LHFPL3: variants seen among roughly 807,000 people sequenced by gnomAD.
LHFPL3 encodes LHFPL tetraspan subfamily member 3 protein.
Under a neutral mutation model 19.3 loss-of-function variants are expected in LHFPL3, and 5 were observed. The observed-to-expected ratio is 0.26, with a 90% confidence interval of 0.14 to 0.54. The LOEUF is 0.54. Ranked by LOEUF, LHFPL3 falls within the 20% of genes least tolerant of loss-of-function variation. The pLI is 0.94. For missense variants in LHFPL3, 249 were observed against 307.4 expected (o/e 0.81, Z 1.42); for synonymous variants, 133 against 126.2 (o/e 1.05, Z -0.36).
At chr7:104,731,853 T>C (rs1364952146) in intron 1 of LHFPL3, among the ~76,000 whole-genome samples, 2 of 152,118 alleles carry the variant, frequency 1.3e-5, no homozygotes, top group East Asian at 3.9e-4. Flanking sequence ...TGATATTGGC[T>C]GTGGGTTTGT....
intron 2 of LHFPL3, among the ~76,000 whole-genome samples, chr7:104,905,813 G>T (rs1450180487): frequency 6.6e-6 from 1 of 152,174 alleles, no homozygotes; most frequent in Non-Finnish European, 1.5e-5. Context: ...ATAATGTTGA[G>T]TTCAAATAAA....
At chr7:104,727,523 A>G (rs1793614160) in intron 1 of LHFPL3, among the ~76,000 whole-genome samples, 2 of 152,206 alleles carry the variant, frequency 1.3e-5, no homozygotes, top group South Asian at 4.1e-4. Context: ...AATTGAGATA[A>G]TACTTGTAAA....
At chr7:104,482,574 AT>A (rs1363821215) in intron 1 of LHFPL3, among the ~76,000 whole-genome samples, 1 of 152,158 alleles carries the variant, frequency 6.6e-6, no homozygotes, top group Non-Finnish European at 1.5e-5. Context: ...CCCTACATCA[AT>A]GTGTGTAATA....
At chr7:104,506,535 C>A (rs1793702676) in intron 1 of LHFPL3, among the ~76,000 whole-genome samples, 1 of 152,218 alleles carries the variant, frequency 6.6e-6, no homozygotes, top group Non-Finnish European at 1.5e-5. Context: ...GTATACCCAG[C>A]ACCTACTGTG....
At chr7:104,704,893 C>T (rs1322505999) in intron 1 of LHFPL3, among the ~76,000 whole-genome samples, 1 of 152,192 alleles carries the variant, frequency 6.6e-6, no homozygotes, top group Non-Finnish European at 1.5e-5. Flanking sequence ...ACCTTGACCT[C>T]CCAGAGTGCT....
intron 1 of LHFPL3, among the ~76,000 whole-genome samples, chr7:104,585,827 C>T (rs1159036777): frequency 6.6e-6 from 1 of 151,982 alleles, no homozygotes; most frequent in Non-Finnish European, 1.5e-5. Flanking sequence ...AGGGAAACAA[C>T]AACCTTTTTA....
At chr7:104,720,977 T>TG (rs1305537538) in intron 1 of LHFPL3, among the ~76,000 whole-genome samples, 6 of 152,200 alleles carry the variant, frequency 3.9e-5, no homozygotes, top group African/African-American at 1.4e-4. Context: ...GAAGACAGTG[T>TG]GACGATTCCT....
chr7:104,429,973 A>T (rs537562356), intron 1 of LHFPL3, among the ~76,000 whole-genome samples: 156 of 152,312 alleles, frequency 1.0e-3, no homozygotes, highest in Admixed American at 4.2e-3. Context: ...TAGTGGAGAT[A>T]CAAAAGGACA....
At position 104,596,873 on chromosome 7, in the gene LHFPL3, A is replaced by G. The variant is rs577100920; in HGVS notation, c.446-139802A>G. ...TCTGTTTACATGTTTGTTCTCCCCA[A>G]GTGACCATGAGCTCATTTAGGGAAT... On this transcript the variant is annotated intron_variant, in intron 1 of 2. Transcript: ENST00000424859. Among the ~76,000 whole-genome samples the G allele has an allele frequency of 3.3e-5, 5 of 152,342 alleles. No homozygotes were observed. In the East Asian group the frequency reaches 7.7e-4, roughly 24 times the overall value.
At chr7:104,443,303 G>C (rs1792262763) in intron 1 of LHFPL3, among the ~76,000 whole-genome samples, 1 of 152,160 alleles carries the variant, frequency 6.6e-6, no homozygotes. Flanking sequence ...CACACTGGAT[G>C]GCACATTTGG....
intron 1 of LHFPL3, among the ~76,000 whole-genome samples, chr7:104,440,906 A>G (rs772408312): frequency 4.6e-5 from 7 of 152,182 alleles, no homozygotes; most frequent in Non-Finnish European, 8.8e-5. Flanking sequence ...GTGCATATTT[A>G]ATGCATATAA....
At chr7:104,559,588 G>T (rs1047994607) in intron 1 of LHFPL3, among the ~76,000 whole-genome samples, 14 of 152,172 alleles carry the variant, frequency 9.2e-5, no homozygotes, top group Admixed American at 5.9e-4. Context: ...GGGCTGAGAC[G>T]ATGGGGTTTT....
chr7:104,458,510 T>A (rs1792591566), intron 1 of LHFPL3, among the ~76,000 whole-genome samples: 2 of 152,176 alleles, frequency 1.3e-5, no homozygotes, highest in South Asian at 2.1e-4. Flanking sequence ...GCTGTTTTGG[T>A]TACTGTAGCC....
intron 1 of LHFPL3, among the ~76,000 whole-genome samples, chr7:104,630,307 G>A (rs142955568): frequency 2.6e-4 from 39 of 152,296 alleles, no homozygotes; most frequent in Admixed American, 5.2e-4. Context: ...CTTGAATGGT[G>A]AGCTGGGTTT....
At chr7:104,689,893 T>G (rs941759109) in intron 1 of LHFPL3, among the ~76,000 whole-genome samples, 1 of 152,200 alleles carries the variant, frequency 6.6e-6, no homozygotes. Flanking sequence ...AATGCATAAT[T>G]GGCACAGGCA....
chr7:104,591,993 G>A (rs1385128890), intron 1 of LHFPL3, among the ~76,000 whole-genome samples: 1 of 152,098 alleles, frequency 6.6e-6, no homozygotes, highest in African/African-American at 2.4e-5. Context: ...TCTCTACACT[G>A]TTTATTCTAG....
At chr7:104,588,966 A>G (rs1189226126) in intron 1 of LHFPL3, among the ~76,000 whole-genome samples, 1 of 152,292 alleles carries the variant, frequency 6.6e-6, no homozygotes, top group African/African-American at 2.4e-5. Flanking sequence ...TTGATTTTGT[A>G]TCCTGAGACT....
intron 1 of LHFPL3, among the ~76,000 whole-genome samples, chr7:104,660,103 G>C (rs1201306062): frequency 6.6e-6 from 1 of 151,514 alleles, no homozygotes; most frequent in African/African-American, 2.4e-5. Context: ...CCAGGTTCAA[G>C]CTATTCTCCT....
chr7:104,580,799 CT>C (rs1255793028), intron 1 of LHFPL3, among the ~76,000 whole-genome samples: 2 of 151,968 alleles, frequency 1.3e-5, no homozygotes, highest in African/African-American at 4.8e-5. Flanking sequence ...GAATATTACT[CT>C]TTTATGTAAT....
Sources: gnomAD v4.1 joint callset for allele counts (sites outside exome capture counted in the v4.1 genomes callset) on GRCh38, gnomAD v4.1.1 for gene constraint, MANE v1.5 for transcripts, NCBI Gene and HGNC (gene_info 2026-07-23, HGNC 2026-07-21) for gene names.